FGF13: variants seen among roughly 807,000 people sequenced by gnomAD.
FGF13 encodes fibroblast growth factor homologous factor 2.
FGF13 carries 2 observed loss-of-function variants against 19.5 expected under a neutral mutation model. That is an observed-to-expected ratio of 0.10 (90% CI 0.04 to 0.32). FGF13 has a LOEUF of 0.32. Among genes scored for constraint, FGF13 ranks in the 10% least tolerant of loss-of-function variants. FGF13 has a pLI of 1.00. For synonymous variants in FGF13, 72 were observed against 76.9 expected (o/e 0.94, Z 0.33); for missense variants, 113 against 192.7 (o/e 0.59, Z 2.45).
At chrX:139,159,445 A>G (rs1439755043) in intron 1 of FGF13, among the ~76,000 whole-genome samples, 1 of 111,473 alleles carries the variant, frequency 9.0e-6, no homozygotes, top group Non-Finnish European at 1.9e-5. Context: ...ACCAGTTAGC[A>G]TCATAATGAC....
intron 1 of FGF13, among the ~76,000 whole-genome samples, chrX:138,738,731 A>G (rs1236052498): frequency 1.8e-5 from 2 of 112,253 alleles, no homozygotes; most frequent in Non-Finnish European, 3.8e-5. Flanking sequence ...TCAAAATTAA[A>G]GTGTGATTGT....
Position 139,092,516 on chromosome X carries a change from G to A in FGF13, c.-113+110900C>T, listed in dbSNP as rs147693508. 4.9e-3 allele frequency among the ~76,000 whole-genome samples: 548 copies of A among 112,188 alleles called. 3 individuals are homozygous for A. Among genetic ancestry groups the A allele is most frequent in the African/African-American group, 0.017 (522 of 30,914 alleles). ...ATCACATCAACAACTGCATCCCATTGTCTGTGACCACTGCTTTTCTGGGTC... is the reference window on the plus strand; with the variant it reads ...ATCACATCAACAACTGCATCCCATTATCTGTGACCACTGCTTTTCTGGGTC... On this transcript the variant is annotated intron_variant, in intron 1 of 2. Coordinates refer to the FGF13 transcript ENST00000421460.
chrX:138,814,606 C>T (rs1032938160), intron 3 of FGF13, among the ~76,000 whole-genome samples: 4 of 110,864 alleles, frequency 3.6e-5, no homozygotes, highest in African/African-American at 9.8e-5. Flanking sequence ...AAAAAATGCT[C>T]GACATCCTAA....
intron 1 of FGF13, among the ~76,000 whole-genome samples, chrX:138,723,691 T>C (rs1208800220): frequency 1.8e-5 from 2 of 111,963 alleles, no homozygotes; most frequent in Non-Finnish European, 3.8e-5. Flanking sequence ...ATTAAACCTT[T>C]TAAGAAATTA....
At chrX:138,779,138 G>C (rs1230163775) in intron 3 of FGF13, among the ~76,000 whole-genome samples, 1 of 110,630 alleles carries the variant, frequency 9.0e-6, no homozygotes, top group African/African-American at 3.3e-5. Flanking sequence ...CAAACAGAAA[G>C]GACATCCACA....
chrX:138,775,055 G>T (rs763534083), intron 3 of FGF13, among the ~76,000 whole-genome samples: 3 of 112,449 alleles, frequency 2.7e-5, no homozygotes, highest in Non-Finnish European at 5.6e-5. Flanking sequence ...CACCTCCAAG[G>T]TTCAAGTGAT....
chrX:139,164,872 G>T (rs2084068261), intron 1 of FGF13, among the ~76,000 whole-genome samples: 2 of 109,571 alleles, frequency 1.8e-5, no homozygotes, highest in Non-Finnish European at 3.8e-5. Flanking sequence ...TCTCTTATCT[G>T]TACTTTAAAT....
At chrX:138,830,549 G>T (rs988542387) in intron 3 of FGF13, among the ~76,000 whole-genome samples, 2 of 111,598 alleles carry the variant, frequency 1.8e-5, no homozygotes, top group Non-Finnish European at 3.8e-5. Flanking sequence ...CTATTGCTTG[G>T]CAACTTTTAA....
chrX:138,880,401 A>G (rs1276500568), intron 1 of FGF13, among the ~76,000 whole-genome samples: 2 of 111,980 alleles, frequency 1.8e-5, no homozygotes, highest in African/African-American at 6.5e-5. Flanking sequence ...CTGTGGCACT[A>G]TTTACAATAG....
rs143735721 is a variant in FGF13, at chrX:138,915,593, T to C, written c.-112-50943A>G. On this transcript the variant is annotated intron_variant, in intron 1 of 2. Transcript: ENST00000421460. Reference sequence around the variant, plus strand: ...ATTGATCCACTAAAGCTTCAACAGGTATTTGTGTCTTATCAACATCTGTTG... The same window carrying C: ...ATTGATCCACTAAAGCTTCAACAGGCATTTGTGTCTTATCAACATCTGTTG... Among the ~76,000 whole-genome samples the C allele has an allele frequency of 4.9e-3, 552 of 112,037 alleles. 3 individuals are homozygous for C. The highest frequency in any genetic ancestry group is 0.017 in the African/African-American group (518 of 30,868).
At chrX:138,904,854 T>C (rs965306067) in intron 1 of FGF13, among the ~76,000 whole-genome samples, 5 of 111,784 alleles carry the variant, frequency 4.5e-5, no homozygotes, top group Non-Finnish European at 9.4e-5. Context: ...TAGTAGAATA[T>C]GTTGAAAGTG....
intron 1 of FGF13, among the ~76,000 whole-genome samples, chrX:139,159,867 T>C (rs908709856): frequency 9.0e-6 from 1 of 110,750 alleles, no homozygotes; most frequent in East Asian, 2.8e-4. Context: ...ACAAAGAGAA[T>C]TAGACTCCCA....
intron 3 of FGF13, among the ~76,000 whole-genome samples, chrX:138,689,663 T>C (rs1415934747): frequency 8.9e-6 from 1 of 111,860 alleles, no homozygotes; most frequent in Non-Finnish European, 1.9e-5. Context: ...CTCAAGTAAG[T>C]AGGGTATTGG....
intron 1 of FGF13, among the ~76,000 whole-genome samples, chrX:138,972,798 G>C (rs1300910076): frequency 9.0e-6 from 1 of 111,728 alleles, no homozygotes; most frequent in Non-Finnish European, 1.9e-5. Flanking sequence ...CTAGCCACTT[G>C]TATGTCTTCT....
At position 138,629,814 on chromosome X, in the gene FGF13, G is replaced by C. The variant is rs766340982; in HGVS notation, c.*3036C>G. The C allele has an allele frequency of 7.2e-5, 8 of 111,665 alleles. No homozygotes were observed. The highest frequency in any genetic ancestry group is 1.1e-4 in the Non-Finnish European group (6 of 53,220). 9.2% of individuals were successfully genotyped at this position (111,665 alleles called of 1,213,427 possible). On this transcript the variant is annotated 3_prime_UTR_variant, in exon 5 of 5. Transcript: ENST00000315930. ...GGCCCACACAAGACTCACTCAATCA[G>C]AAACTCTGAAGGTGAAGTCCAGTGA...
intron 1 of FGF13, among the ~76,000 whole-genome samples, chrX:139,044,300 T>C (rs985529634): frequency 9.0e-6 from 1 of 111,394 alleles, no homozygotes; most frequent in Admixed American, 9.5e-5. Flanking sequence ...TCAGGAAGCT[T>C]ACAATCATGG....
At chrX:139,080,010 T>C (rs1175689433) in intron 1 of FGF13, among the ~76,000 whole-genome samples, 2 of 109,609 alleles carry the variant, frequency 1.8e-5, no homozygotes, top group East Asian at 5.7e-4. Context: ...ATCATCATCA[T>C]CATCAAATGA....
At chrX:138,729,055 T>C (rs867135164) in intron 1 of FGF13, among the ~76,000 whole-genome samples, 2 of 111,772 alleles carry the variant, frequency 1.8e-5, no homozygotes, top group Admixed American at 9.5e-5. Flanking sequence ...TTTTTGGACA[T>C]TGACATAATT....
chrX:139,188,544 C>A (rs1435894480), intron 1 of FGF13, among the ~76,000 whole-genome samples: 2 of 111,607 alleles, frequency 1.8e-5, no homozygotes, highest in Non-Finnish European at 3.8e-5. Flanking sequence ...AAGCCACACA[C>A]AGCACTTCAG....
Sources: allele counts gnomAD v4.1 joint callset (sites outside exome capture counted in the v4.1 genomes callset), GRCh38; gene constraint gnomAD v4.1.1; transcripts MANE v1.5; gene names NCBI Gene and HGNC (gene_info 2026-07-23, HGNC 2026-07-21).